Variants in FKBP15 observed in about 807,000 individuals in gnomAD.
FKBP15 encodes the protein FKBP prolyl isomerase family member 15.
Under a neutral mutation model 158.1 loss-of-function variants are expected in FKBP15, and 106 were observed. That is an observed-to-expected ratio of 0.67 (90% CI 0.57 to 0.79). The LOEUF is 0.79. Ranked by LOEUF, FKBP15 falls within the 30% of genes least tolerant of loss-of-function variation. The pLI, the probability that FKBP15 is intolerant of heterozygous loss-of-function variation, is 0.00. For synonymous variants in FKBP15, 547 were observed against 548.6 expected (o/e 1.00, Z 0.04); for missense variants, 1,287 against 1,479.1 (o/e 0.87, Z 2.13).
chr9:113,186,447 T>A, intron 14 of FKBP15, 84 bp from the exon 15 acceptor site: 1 of 1,018,274 alleles, frequency 9.8e-7, no homozygotes, highest in Non-Finnish European at 1.5e-6. Context: ...TGGAATAAAG[T>A]GGATGAGCTG....
chr9:113,200,992 C>T (rs370040249), intron 6 of FKBP15, among the ~76,000 whole-genome samples: 14 of 149,036 alleles, frequency 9.4e-5, no homozygotes, highest in African/African-American at 3.0e-4. Flanking sequence ...TGCAGTGAGC[C>T]GAGATGGCAC....
chr9:113,167,718 CT>C (rs1200403886), intron 27 of FKBP15, among the ~76,000 whole-genome samples: 8 of 152,324 alleles, frequency 5.3e-5, no homozygotes, highest in Middle Eastern at 3.4e-3. Context: ...CACCTGTGTT[CT>C]CCATATGCAT....
intron 21 of FKBP15, 140 bp downstream of exon 21, chr9:113,176,397 G>A (rs759843613): frequency 3.3e-5 from 31 of 931,780 alleles, no homozygotes; most frequent in Non-Finnish European, 4.8e-5. Flanking sequence ...GATTAGAGCG[G>A]GGAAAATTTT....
chr9:113,191,555 T>G (rs1830575903), intron 11 of FKBP15, among the ~76,000 whole-genome samples: 1 of 151,336 alleles, frequency 6.6e-6, no homozygotes, highest in African/African-American at 2.4e-5. Context: ...ATAGACCTTA[T>G]GCACACAATG....
intron 19 of FKBP15, among the ~76,000 whole-genome samples, chr9:113,179,188 C>A (rs1029308248): frequency 6.6e-6 from 1 of 152,026 alleles, no homozygotes; most frequent in Non-Finnish European, 1.5e-5. Context: ...AGCTACTATG[C>A]CTGTCTCTAT....
At chr9:113,181,130 C>T (rs1038879955) in intron 19 of FKBP15, among the ~76,000 whole-genome samples, 1 of 152,168 alleles carries the variant, frequency 6.6e-6, no homozygotes, top group Admixed American at 6.5e-5. Context: ...TTGTGTGAAA[C>T]ATGGTATCTA....
intron 11 of FKBP15, among the ~76,000 whole-genome samples, chr9:113,193,134 A>G (rs1443748999): frequency 1.3e-5 from 2 of 152,218 alleles, no homozygotes; most frequent in African/African-American, 4.8e-5. Context: ...CAATTTTCTC[A>G]AGGCCACATG....
intron 14 of FKBP15, 43 bp downstream of exon 14, chr9:113,187,750 C>T (rs776037446): frequency 2.7e-6 from 4 of 1,456,446 alleles, no homozygotes; most frequent in Non-Finnish European, 3.8e-6. Context: ...ACTAGAACCA[C>T]AGCAAATTAT....
intron 9 of FKBP15, among the ~76,000 whole-genome samples, chr9:113,195,661 T>C (rs902469263): frequency 6.6e-6 from 1 of 152,144 alleles, no homozygotes; most frequent in African/African-American, 2.4e-5. Flanking sequence ...ATATTCCCTA[T>C]TTGTATTGTA....
chr9:113,169,512 G>C lies in FKBP15; in HGVS notation c.3197C>G (p.Pro1066Arg). ...SECEESLAAS[P>R]MAAKPDNPSG... Reference sequence around the variant, plus strand: ...TGGGTTGTCGGGCTTAGCTGCCATTGGGCTGGCAGCAAGTGACTCCTCACA... The same window carrying C: ...TGGGTTGTCGGGCTTAGCTGCCATTCGGCTGGCAGCAAGTGACTCCTCACA... The change falls in exon 26 of 28, where the codon CCA becomes CGA. Residue 1066 changes from proline (P) to arginine (R), a missense_variant. Pro to Arg is a moderately radical substitution (Grantham distance 103). Transcript: ENST00000238256. 1 of 1,614,004 alleles carries C rather than the reference G, an allele frequency of 6.2e-7. No homozygotes were observed. Among genetic ancestry groups the C allele is most frequent in the Non-Finnish European group, 8.5e-7 (1 of 1,179,892 alleles).
At chr9:113,179,065 C>G (rs10817452) in intron 19 of FKBP15, among the ~76,000 whole-genome samples, 1 of 151,398 alleles carries the variant, frequency 6.6e-6, no homozygotes, top group African/African-American at 2.4e-5. Context: ...GGGTCTCGCT[C>G]AGTCACCCAG....
At chr9:113,194,709 T>C (rs1335513909) in intron 9 of FKBP15, among the ~76,000 whole-genome samples, 1 of 152,216 alleles carries the variant, frequency 6.6e-6, no homozygotes, top group Non-Finnish European at 1.5e-5. Flanking sequence ...CTCACTGACA[T>C]ATTAACCTAT....
chr9:113,208,380 C>A (rs1830935940), intron 2 of FKBP15, among the ~76,000 whole-genome samples: 2 of 152,064 alleles, frequency 1.3e-5, no homozygotes, highest in Admixed American at 1.3e-4. Flanking sequence ...TACAGAGTAA[C>A]ACTAACATTT....
rs369177721 is a variant in FKBP15 at position 113,198,917 on chromosome 9, C to T, written c.655G>A (p.Asp219Asn). 4.4e-6 allele frequency: 7 copies of T among 1,600,032 alleles called. No individual in the cohort carries two copies. The highest frequency in any genetic ancestry group is 3.4e-5 in the South Asian group (3 of 88,428). ...FQNHVLGQVF[D>N]STANKDKLLR... ...AACTTATCTTTGTTAGCAGTGGAGT[C>T]GAAAACCTGCAATTTGATCGAAGGA... The change falls in exon 8 of 28, where the codon GAC becomes AAC. Residue 219 changes from aspartate to asparagine, a missense_variant. Coordinates refer to ENST00000238256, the MANE Select transcript of FKBP15 (RefSeq NM_015258.2). The surrounding 1 kb of genome is among the most constrained non-coding windows in gnomAD (Gnocchi z 5.2).
chr9:113,203,068 A>C, intron 4 of FKBP15, 33 bp from the exon 5 acceptor site: 6 of 1,444,698 alleles, frequency 4.2e-6, no homozygotes, highest in Non-Finnish European at 5.7e-6. Flanking sequence ...AGAAAAAAAA[A>C]AAGAGAGACA....
In FKBP15 at chr9:113,166,164, A is replaced by T. The variant is rs1319401234; in HGVS notation, c.3583-9T>A. On this transcript the variant is annotated splice_polypyrimidine_tract_variant and intron_variant, in intron 27 of 27. Transcript: ENST00000238256. The stretch of plus-strand genomic sequence containing the variant: ...GGGCGTCCCTTCATGCTCTGATAAA[A>T]CAGGAAAGAGCAGTCAGTCCTCACT... 1 of 1,609,914 alleles carries T rather than the reference A, an allele frequency of 6.2e-7. No individual in the cohort carries two copies. The highest frequency in any genetic ancestry group is 1.1e-5 in the South Asian group (1 of 89,996).
At chr9:113,193,339 CT>C (rs112281734) in intron 11 of FKBP15, among the ~76,000 whole-genome samples, 152 bp downstream of exon 11, 347 of 145,324 alleles carry the variant, frequency 2.4e-3, no homozygotes, top group Non-Finnish European at 2.5e-3. Context: ...GAGAAAAACA[CT>C]TTTTTTTTTT....
intron 22 of FKBP15, 55 bp downstream of exon 22, chr9:113,174,373 C>A: frequency 6.4e-7 from 1 of 1,571,548 alleles, no homozygotes; most frequent in South Asian, 1.2e-5. Context: ...AAGCTTTTCT[C>A]TCTGAGTCCT....
chr9:113,168,599 C>T (rs188830989), intron 26 of FKBP15, 43 bp from the exon 27 acceptor site: 2 of 1,574,762 alleles, frequency 1.3e-6, no homozygotes, highest in Non-Finnish European at 1.7e-6. Context: ...TGTTCCTGCT[C>T]CAGGTCACAG....
Sources: allele counts gnomAD v4.1 joint callset (sites outside exome capture counted in the v4.1 genomes callset), GRCh38; gene constraint gnomAD v4.1.1; non-coding constraint Gnocchi (gnomAD v3.1); transcripts MANE v1.5; gene names NCBI Gene and HGNC (gene_info 2026-07-23, HGNC 2026-07-21).